Variants in SYT6 observed in about 807,000 individuals in gnomAD.
The protein encoded by SYT6 is synaptotagmin-6.
SYT6 carries 24 observed loss-of-function variants against 38.4 expected under a neutral mutation model. The ratio of observed to expected loss-of-function variants is 0.62; its 90% CI spans 0.45 to 0.88. The LOEUF (loss-of-function observed/expected upper bound fraction) is 0.88, where lower values mean the gene tolerates loss of function less well. SYT6 is among the 40% of genes least tolerant of loss of function. The probability of loss-of-function intolerance (pLI) is 0.00; values close to 1 mark genes in which losing one functional copy is unlikely to be tolerated. For synonymous variants in SYT6, 265 were observed against 241.9 expected, an observed-to-expected ratio of 1.10 and a Z score of -0.89; for missense variants, 611 against 621.0, an observed-to-expected ratio of 0.98 and a Z score of 0.17.
Position 114,090,165 on chromosome 1 carries a change from G to A in SYT6, c.*1969C>T, listed in dbSNP as rs1302309132. 6.6e-6 allele frequency: 1 copy of A among 152,352 alleles called. No individual in the cohort carries two copies. The highest frequency in any genetic ancestry group is 1.5e-5 in the Non-Finnish European group (1 of 68,040). The allele number at this position is 152,352 out of a possible 1,614,324, so 9.4% of individuals were successfully genotyped here. ...CACTGACGGAAACGACTATCTTGATGGGGTCAGTCTAGAGTCAGAATCATA... is the reference window on the plus strand; with the variant it reads ...CACTGACGGAAACGACTATCTTGATAGGGTCAGTCTAGAGTCAGAATCATA... On this transcript the variant is annotated 3_prime_UTR_variant, in exon 8 of 8. Transcript: ENST00000610222.
At position 114,091,859 on chromosome 1, in the gene SYT6, C is replaced by T; in HGVS notation, c.*275G>A. 1.5e-6 allele frequency: 1 copy of T among 648,820 alleles called. No homozygotes were observed. Among genetic ancestry groups the T allele is most frequent in the Admixed American group, 3.0e-5 (1 of 33,126 alleles). The allele number at this position is 648,820 out of a possible 1,614,324, so 40.2% of individuals were successfully genotyped here. A position where few individuals can be genotyped will look rare whatever the true frequency, so the allele number is the denominator to read the frequency against. ...AGATCTGACCACATGACAAGTGTCTCAGCTTTGACCTACACAGGAGCAGGT... is the reference window on the plus strand; with the variant it reads ...AGATCTGACCACATGACAAGTGTCTTAGCTTTGACCTACACAGGAGCAGGT... On this transcript the variant is annotated 3_prime_UTR_variant, in exon 8 of 8. Transcript: ENST00000610222.
chr1:114,125,482 C>A (rs1431428113), intron 3 of SYT6, among the ~76,000 whole-genome samples: 1 of 151,910 alleles, frequency 6.6e-6, no homozygotes, highest in African/African-American at 2.4e-5. Flanking sequence ...ATTAAATATT[C>A]ATGGAGAATG....
intron 1 of SYT6, among the ~76,000 whole-genome samples, chr1:114,141,481 T>A (rs1277163799): frequency 6.6e-6 from 1 of 152,216 alleles, no homozygotes; most frequent in Non-Finnish European, 1.5e-5. Context: ...AACGTTTGAA[T>A]CTAGCAGAGG....
chr1:114,104,220 C>G (rs1676140118), intron 3 of SYT6, among the ~76,000 whole-genome samples: 1 of 152,230 alleles, frequency 6.6e-6, no homozygotes, highest in Admixed American at 6.5e-5. Flanking sequence ...TCTTCTGCCC[C>G]TCAGTGCAGT....
intron 3 of SYT6, among the ~76,000 whole-genome samples, chr1:114,104,452 C>G (rs2100989938): frequency 6.6e-6 from 1 of 152,272 alleles, no homozygotes; most frequent in African/African-American, 2.4e-5. Flanking sequence ...ACAGGAAAAC[C>G]TCAAAGACAG....
chr1:114,121,030 T>C (rs1677366823), intron 3 of SYT6, among the ~76,000 whole-genome samples: 1 of 152,206 alleles, frequency 6.6e-6, no homozygotes, highest in African/African-American at 2.4e-5. Context: ...GGCAGCTAAC[T>C]GGCCAGAGAG....
intron 3 of SYT6, among the ~76,000 whole-genome samples, chr1:114,131,689 A>G (rs547624733): frequency 6.6e-6 from 1 of 152,336 alleles, no homozygotes; most frequent in East Asian, 1.9e-4. Flanking sequence ...ATGGCTCTGC[A>G]TTCAACAAGT....
chr1:114,123,586 C>T (rs1677547273), intron 3 of SYT6, among the ~76,000 whole-genome samples: 1 of 152,146 alleles, frequency 6.6e-6, no homozygotes, highest in Admixed American at 6.5e-5. Context: ...GACCCTCTGT[C>T]TCTCCCCCTG....
intron 3 of SYT6, among the ~76,000 whole-genome samples, chr1:114,123,973 C>CAGTTCTTCCACCT (rs77302800): frequency 6.6e-6 from 1 of 151,894 alleles, no homozygotes; most frequent in Non-Finnish European, 1.5e-5. Context: ...AGACCCCATC[C>CAGTTCTTCCACCT]GGCTGGGGCC....
chr1:114,107,086 G>C (rs1283161525), intron 3 of SYT6, among the ~76,000 whole-genome samples: 1 of 152,180 alleles, frequency 6.6e-6, no homozygotes, highest in Non-Finnish European at 1.5e-5. Context: ...CAAACAAAAG[G>C]CCACTGTCAC....
At chr1:114,093,696 A>G in intron 7 of SYT6, 39 bp downstream of exon 7, 1 of 1,589,720 alleles carries the variant, frequency 6.3e-7, no homozygotes, top group South Asian at 1.1e-5. Flanking sequence ...AAAAGGTAAT[A>G]AGCAACCTAA....
intron 3 of SYT6, among the ~76,000 whole-genome samples, chr1:114,123,010 A>C (rs1677514032): frequency 6.6e-6 from 1 of 152,046 alleles, no homozygotes. Flanking sequence ...CCCGCGAGGC[A>C]CTCTGAGCTT....
chr1:114,138,030 A>G lies in SYT6; in HGVS notation c.536T>C (p.Leu179Pro). The G allele has an allele frequency of 3.7e-6, 6 of 1,613,770 alleles. No homozygotes were observed. Among genetic ancestry groups the G allele is most frequent in the South Asian group, 1.1e-5 (1 of 91,044 alleles). Residue 179 changes from leucine (L) to proline (P), a missense_variant, in exon 3 of 8, where the codon CTG becomes CCG. Physicochemically the swap from Leu to Pro is moderately conservative, Grantham distance 98. Transcript: ENST00000610222. ...ACTGGAGACATGCATCTGCCTTGGC[A>G]GGTGGCGCTTGAAGGACGTGTGCCT... ...STRHTSFKRHLPRQMHVSSVD... is the reference protein window; with the variant it reads ...STRHTSFKRHPPRQMHVSSVD...
At chr1:114,141,365 A>G (rs1007394868) in intron 1 of SYT6, among the ~76,000 whole-genome samples, 1 of 152,240 alleles carries the variant, frequency 6.6e-6, no homozygotes, top group African/African-American at 2.4e-5. Flanking sequence ...TGGACAGAAG[A>G]TCAAACCAGC....
chr1:114,110,527 G>A (rs528691550), intron 3 of SYT6, among the ~76,000 whole-genome samples: 143 of 152,326 alleles, frequency 9.4e-4, no homozygotes, highest in Non-Finnish European at 1.4e-3. Flanking sequence ...TGGTGGCTAT[G>A]ATACCAGAGT....
chr1:114,108,081 C>G (rs939309607), intron 3 of SYT6, among the ~76,000 whole-genome samples: 1 of 152,166 alleles, frequency 6.6e-6, no homozygotes, highest in African/African-American at 2.4e-5. Context: ...GGCTGAAAGT[C>G]TTGGCTAGTG....
At chr1:114,129,446 A>G (rs920967047) in intron 3 of SYT6, among the ~76,000 whole-genome samples, 5 of 149,608 alleles carry the variant, frequency 3.3e-5, no homozygotes, top group African/African-American at 1.2e-4. Flanking sequence ...CTCCCACTTC[A>G]TCTTTCACTC....
intron 3 of SYT6, among the ~76,000 whole-genome samples, chr1:114,123,278 C>T (rs151269795): frequency 2.2e-4 from 33 of 152,312 alleles, no homozygotes; most frequent in African/African-American, 7.9e-4. Flanking sequence ...TGACACACCA[C>T]CAGAGCTGTT....
At chr1:114,153,397 C>A (rs1679548453) in intron 1 of SYT6, among the ~76,000 whole-genome samples, 1 of 152,228 alleles carries the variant, frequency 6.6e-6, no homozygotes, top group African/African-American at 2.4e-5. Flanking sequence ...TACAGGAGGG[C>A]CGGGGGCTTC....
Sources: gnomAD v4.1 joint callset for allele counts (sites outside exome capture counted in the v4.1 genomes callset) on GRCh38, gnomAD v4.1.1 for gene constraint, MANE v1.5 for transcripts, NCBI Gene and HGNC (gene_info 2026-07-23, HGNC 2026-07-21) for gene names.